CDC14A: variants seen among roughly 807,000 people sequenced by gnomAD.
CDC14A encodes dual specificity protein phosphatase CDC14A.
Under a neutral mutation model 74.4 loss-of-function variants are expected in CDC14A, and 53 were observed. That is an observed-to-expected ratio of 0.71 (90% CI 0.57 to 0.89). CDC14A has a LOEUF of 0.89. Among genes scored for constraint, CDC14A ranks in the 40% least tolerant of loss-of-function variants. The pLI, the probability that CDC14A is intolerant of heterozygous loss-of-function variation, is 0.00. For synonymous variants in CDC14A, 247 were observed against 258.4 expected, an observed-to-expected ratio of 0.96 and a Z score of 0.43; for missense variants, 646 against 713.7, an observed-to-expected ratio of 0.91 and a Z score of 1.08.
chr1:100,372,211 C>G (rs530486227), intron 2 of CDC14A, among the ~76,000 whole-genome samples: 1 of 152,160 alleles, frequency 6.6e-6, no homozygotes, highest in Admixed American at 6.5e-5. Flanking sequence ...GGTGGAGGGC[C>G]CTGCCCCAGT....
rs745327074 is a variant in CDC14A at position 100,377,520 on chromosome 1, C to G, written c.141-26C>G. 4 of 1,533,844 alleles carry G rather than the reference C, an allele frequency of 2.6e-6. No individual in the cohort carries two copies. In the South Asian group the frequency reaches 4.6e-5, roughly 18 times the overall value. Reference sequence around the variant, plus strand: ...AAAATTATACTTTGACTAAATACTACGTTTTTTGTTTTTCTTGTATCTTAG... The same window carrying G: ...AAAATTATACTTTGACTAAATACTAGGTTTTTTGTTTTTCTTGTATCTTAG... On this transcript the variant is annotated intron_variant, in intron 2 of 15. Coordinates refer to ENST00000336454, the MANE Select transcript of CDC14A (RefSeq NM_003672.4).
In CDC14A at chr1:100,500,225, C is replaced by T. The variant is rs28364901; in HGVS notation, c.1755+963C>T. Among the ~76,000 whole-genome samples the T allele has an allele frequency of 6.2e-4, 94 of 152,256 alleles. 2 individuals are homozygous for T. In the East Asian group the frequency reaches 0.018, roughly 29 times the overall value. ...ATACATACAGTGTTGCAACACTGAT[C>T]GTACTCAGGGCATGAACAAGCCCTG... On this transcript the variant is annotated intron_variant, in intron 15 of 15. Coordinates refer to ENST00000336454, the MANE Select transcript of CDC14A (RefSeq NM_003672.4).
At chr1:100,435,655 C>G (rs935183691) in intron 5 of CDC14A, among the ~76,000 whole-genome samples, 2 of 151,886 alleles carry the variant, frequency 1.3e-5, no homozygotes, top group African/African-American at 4.8e-5. Context: ...ATGGTAAAAC[C>G]CTGTCTCTAC....
chr1:100,399,810 G>T (rs968117870), intron 4 of CDC14A, among the ~76,000 whole-genome samples: 9 of 151,374 alleles, frequency 5.9e-5, no homozygotes, highest in Non-Finnish European at 1.3e-4. Flanking sequence ...TGAGGTTGCA[G>T]TGAGCTGTGA....
intron 15 of CDC14A, among the ~76,000 whole-genome samples, chr1:100,504,384 C>G (rs1380723963): frequency 6.6e-6 from 1 of 152,088 alleles, no homozygotes; most frequent in Non-Finnish European, 1.5e-5. Context: ...GTGTTTGAGT[C>G]TTTGATGATC....
chr1:100,505,853 A>G (rs4908060), intron 15 of CDC14A, among the ~76,000 whole-genome samples: 131,761 of 152,178 alleles, frequency 0.87, 59,859 homozygotes, highest in Non-Finnish European at 1. Context: ...GCATGGCACC[A>G]ACAACCTGCT....
chr1:100,414,237 G>A (rs1474798665), intron 4 of CDC14A, among the ~76,000 whole-genome samples: 12 of 152,158 alleles, frequency 7.9e-5, no homozygotes, highest in East Asian at 3.9e-4. Flanking sequence ...AGGCCAAGGC[G>A]GTAGGATTGC....
At chr1:100,501,001 G>A (rs1277970133) in intron 15 of CDC14A, among the ~76,000 whole-genome samples, 1 of 151,928 alleles carries the variant, frequency 6.6e-6, no homozygotes, top group Admixed American at 6.6e-5. Context: ...ACAGGCATGA[G>A]CCACCATGCT....
chr1:100,435,271 A>T (rs1160286999), intron 5 of CDC14A, among the ~76,000 whole-genome samples: 1 of 152,194 alleles, frequency 6.6e-6, no homozygotes, highest in Non-Finnish European at 1.5e-5. Context: ...GAACCAAGAG[A>T]AGAGAGCAAA....
intron 2 of CDC14A, among the ~76,000 whole-genome samples, chr1:100,357,509 A>G (rs921876034): frequency 6.6e-6 from 1 of 152,170 alleles, no homozygotes; most frequent in Non-Finnish European, 1.5e-5. Flanking sequence ...GATTTTGACT[A>G]TCACATCATA....
chr1:100,445,221 C>A (rs1665400939), intron 7 of CDC14A, among the ~76,000 whole-genome samples: 1 of 152,176 alleles, frequency 6.6e-6, no homozygotes, highest in African/African-American at 2.4e-5. Context: ...TAGTAAGACA[C>A]TCCCTAGCCC....
At chr1:100,451,199 C>T (rs1666108882) in intron 7 of CDC14A, among the ~76,000 whole-genome samples, 1 of 152,236 alleles carries the variant, frequency 6.6e-6, no homozygotes, top group South Asian at 2.1e-4. Context: ...ATCTTTGCGT[C>T]TTGAACATTG....
intron 4 of CDC14A, among the ~76,000 whole-genome samples, chr1:100,418,588 C>T (rs1661840459): frequency 6.6e-6 from 1 of 152,080 alleles, no homozygotes; most frequent in Admixed American, 6.6e-5. Context: ...TGCTCTGGAA[C>T]TACTGGAGTA....
intron 4 of CDC14A, among the ~76,000 whole-genome samples, chr1:100,394,996 C>T (rs751196815): frequency 6.6e-6 from 1 of 152,120 alleles, no homozygotes; most frequent in Non-Finnish European, 1.5e-5. Flanking sequence ...AGACCTTTAC[C>T]TTCGGAGCAG....
chr1:100,507,362 T>TA (rs1244896647), intron 15 of CDC14A, among the ~76,000 whole-genome samples: 1 of 152,242 alleles, frequency 6.6e-6, no homozygotes, highest in Non-Finnish European at 1.5e-5. Context: ...TTCACCATAA[T>TA]ATAGCTATAT....
intron 6 of CDC14A, among the ~76,000 whole-genome samples, chr1:100,440,755 T>C (rs6698463): frequency 0.02 from 3,011 of 152,302 alleles, 109 homozygotes; most frequent in African/African-American, 0.069. Context: ...GTTCATTTCT[T>C]GGATGTAATA....
intron 6 of CDC14A, 128 bp downstream of exon 6, chr1:100,440,126 T>G (rs1201214361): frequency 3.0e-6 from 2 of 664,894 alleles, no homozygotes; most frequent in Non-Finnish European, 5.2e-6. Context: ...GGCTTTTCAC[T>G]TCTTGAAGGA....
At chr1:100,408,432 C>T (rs972853292) in intron 4 of CDC14A, among the ~76,000 whole-genome samples, 32 of 152,280 alleles carry the variant, frequency 2.1e-4, no homozygotes, top group African/African-American at 7.2e-4. Flanking sequence ...GGTATATACT[C>T]AGTAATACGA....
At chr1:100,352,474 C>T (rs1440517962), upstream of CDC14A, 8 of 1,016,722 alleles carry the variant, frequency 7.9e-6, no homozygotes, top group African/African-American at 1.7e-5. Flanking sequence ...GGAAGAGTAA[C>T]TGCTGAAAGG....
Sources: gnomAD v4.1 joint callset for allele counts (sites outside exome capture counted in the v4.1 genomes callset) on GRCh38, gnomAD v4.1.1 for gene constraint, MANE v1.5 for transcripts, NCBI Gene and HGNC (gene_info 2026-07-23, HGNC 2026-07-21) for gene names.